The following MPPE1 variants were observed in gnomAD, a reference collection of about 807,000 sequenced individuals.
MPPE1 encodes the protein metallophosphoesterase 1, also known as metallo phosphoesterase.
MPPE1 carries 28 observed loss-of-function variants against 43.8 expected under a neutral mutation model. That is an observed-to-expected ratio of 0.64 (90% CI 0.47 to 0.88). The LOEUF is 0.88. Among genes scored for constraint, MPPE1 ranks in the 40% least tolerant of loss-of-function variants. The probability of loss-of-function intolerance (pLI) is 0.00; values close to 1 mark genes in which losing one functional copy is unlikely to be tolerated. For synonymous variants in MPPE1, 159 were observed against 188.5 expected, an observed-to-expected ratio of 0.84 and a Z score of 1.28; for missense variants, 428 against 492.2, an observed-to-expected ratio of 0.87 and a Z score of 1.23.
chr18:11,899,348 A>G (rs189037648), intron 2 of MPPE1, among the ~76,000 whole-genome samples: 10 of 152,352 alleles, frequency 6.6e-5, no homozygotes, highest in Admixed American at 5.9e-4. Flanking sequence ...TACTGCAACC[A>G]GATTATATGT....
At chr18:11,907,125 C>T (rs1427877967) in intron 1 of MPPE1, among the ~76,000 whole-genome samples, 1 of 152,168 alleles carries the variant, frequency 6.6e-6, no homozygotes, top group Non-Finnish European at 1.5e-5. Context: ...TCAGGAAAAG[C>T]AGACCAGCAT....
rs2037642704 is a variant in MPPE1, at chr18:11,888,851, A to G, written c.495-108T>C. 4 of 596,982 alleles carry G rather than the reference A, an allele frequency of 6.7e-6. No homozygotes were observed. In the East Asian group the frequency reaches 1.3e-4, roughly 20 times the overall value. The allele number at this position is 596,982 out of a possible 1,614,324, so 37.0% of individuals were successfully genotyped here. A position where few individuals can be genotyped will look rare whatever the true frequency, so the allele number is the denominator to read the frequency against. ...TTCAACACTTGAGTTTCAGACTAGC[A>G]TTATTAGTTAAGGGCTCTACCTGGC... On this transcript the variant is annotated intron_variant, in intron 5 of 10. Coordinates refer to ENST00000588072, the MANE Select transcript of MPPE1 (RefSeq NM_023075.6).
chr18:11,887,167 G>A, intron 6 of MPPE1, 142 bp from the exon 7 acceptor site: 1 of 595,546 alleles, frequency 1.7e-6, no homozygotes. Flanking sequence ...GAATAATTTG[G>A]TGTATTTTTA....
rs34932177 is a variant in MPPE1 at position 11,893,555 on chromosome 18, C to T, written c.303G>A (p.Ala101=). Residue 101 remains alanine, a synonymous_variant, in exon 4 of 11, where the codon GCG becomes GCA. Coordinates refer to ENST00000588072, the MANE Select transcript of MPPE1 (RefSeq NM_023075.6). ...GCAGCAACCACAGAGCTGTCTGGAA[C>T]GCTCTCTCCATCTGCCATTCCCTTG... The part of the protein sequence containing the change: ...KLRREWQMER[A]FQTALWLLQP... 1 of 1,613,540 alleles carries T rather than the reference C, an allele frequency of 6.2e-7. No homozygotes were observed. The highest frequency in any genetic ancestry group is 1.3e-5 in the African/African-American group (1 of 74,828).
chr18:11,888,393 C>G (rs1018198336), intron 6 of MPPE1, among the ~76,000 whole-genome samples: 43 of 152,172 alleles, frequency 2.8e-4, no homozygotes, highest in African/African-American at 9.7e-4. Flanking sequence ...ACAGTGCAGA[C>G]AGAAAGACTA....
chr18:11,900,710 A>G (rs532307553), intron 2 of MPPE1, among the ~76,000 whole-genome samples: 7 of 151,964 alleles, frequency 4.6e-5, no homozygotes, highest in Non-Finnish European at 1.0e-4. Flanking sequence ...GATCGAGACC[A>G]TCCTGGCTAA....
At position 11,885,677 on chromosome 18, in the gene MPPE1, A is replaced by G; in HGVS notation, c.1007T>C (p.Met336Thr). The change falls in exon 10 of 11, where the codon ATG becomes ACG. Residue 336 changes from methionine to threonine, a missense_variant and splice_region_variant. Around this residue, in one of 3 missense-constraint regions of MPPE1, gnomAD observed 379 missense variants for 402.5 expected, o/e 0.94. Transcript: ENST00000588072. ...GACAAAAATAAACTTTCACGTTACC[A>G]TGATGAAACTGGGGTTGTTTCTGTT... ...WRNRNNPSFI[M>T]GSITPTDYTL... is the part of the protein sequence containing the mutation. 1.2e-6 allele frequency: 2 copies of G among 1,611,698 alleles called. No homozygotes were observed. The highest frequency in any genetic ancestry group is 1.1e-5 in the South Asian group (1 of 90,982).
In MPPE1 at chr18:11,893,278, T is replaced by C. The variant is rs1253042270; in HGVS notation, c.390+190A>G. On this transcript the variant is annotated intron_variant, in intron 4 of 10. Coordinates refer to ENST00000588072, the MANE Select transcript of MPPE1 (RefSeq NM_023075.6). ...TTAGCCAACCTAACTCAAGATTGAG[T>C]TGTTCTAATAATCTTAGATAGCCTA... 9.3e-6 allele frequency: 5 copies of C among 540,304 alleles called. No homozygotes were observed. In the Admixed American group the frequency reaches 1.4e-4, roughly 15 times the overall value. The allele number at this position is 540,304 out of a possible 1,614,324, so 33.5% of individuals were successfully genotyped here. A position where few individuals can be genotyped will look rare whatever the true frequency, so the allele number is the denominator to read the frequency against.
chr18:11,887,513 T>TA (rs2144188805), intron 6 of MPPE1, among the ~76,000 whole-genome samples: 1 of 152,276 alleles, frequency 6.6e-6, no homozygotes, highest in South Asian at 2.1e-4. Context: ...ATCAGTGACA[T>TA]ACAGACACAC....
At position 11,886,713 on chromosome 18, in the gene MPPE1, C is replaced by G; in HGVS notation, c.744G>C (p.Gln248His). Reference sequence around the variant, plus strand: ...TGAGCCCTTTCCTCCCCCAGCTCACCTGCAGGAGGACAGGGGCAGACGTGG... The same window carrying G: ...TGAGCCCTTTCCTCCCCCAGCTCACGTGCAGGAGGACAGGGGCAGACGTGG... ...LLPTSAPVLL[Q>H]HYPLYRRSDA... is the part of the protein sequence containing the mutation. Residue 248 changes from glutamine to histidine, a missense_variant and splice_region_variant, in exon 8 of 11, where the codon CAG becomes CAC. By Grantham distance (24) the Gln-to-His change is conservative (BLOSUM62 0). Around this residue, in one of 3 missense-constraint regions of MPPE1, gnomAD observed 379 missense variants for 402.5 expected, o/e 0.94. Transcript: ENST00000588072. This position sits in a 1 kb window ranked among gnomAD's most constrained non-coding sequence, Gnocchi z 4.1. 1.2e-6 allele frequency: 2 copies of G among 1,613,752 alleles called. No individual in the cohort carries two copies. The highest frequency in any genetic ancestry group is 1.7e-6 in the Non-Finnish European group (2 of 1,180,024).
chr18:11,904,715 C>T (rs1294193269), intron 2 of MPPE1, among the ~76,000 whole-genome samples: 1 of 152,102 alleles, frequency 6.6e-6, no homozygotes, highest in African/African-American at 2.4e-5. Context: ...GCAGGTGGAC[C>T]ATTTGAGGCC....
chr18:11,888,238 G>A (rs1245420264), intron 6 of MPPE1, among the ~76,000 whole-genome samples: 2 of 152,150 alleles, frequency 1.3e-5, no homozygotes, highest in African/African-American at 4.8e-5. Flanking sequence ...AGCTACAGAG[G>A]AACTGTGACA....
rs1054254078 is a variant in MPPE1, at chr18:11,887,095, G to A, written c.570-70C>T. The A allele has an allele frequency of 6.1e-6, 7 of 1,153,988 alleles. No individual in the cohort carries two copies. The African/African-American group carries it at 9.2e-5, about 15-fold the overall frequency. The allele number at this position is 1,153,988 out of a possible 1,614,324, so 71.5% of individuals were successfully genotyped here. On this transcript the variant is annotated intron_variant, in intron 6 of 10. Coordinates refer to ENST00000588072, the MANE Select transcript of MPPE1 (RefSeq NM_023075.6). ...GCTTTCTTTTCCCTACTGTTCCCAT[G>A]AAAAGAAAGCTAAGCATCCAGTGCA...
chr18:11,895,406 A>C (rs2038490481), intron 3 of MPPE1: 1 of 152,306 alleles, frequency 6.6e-6, no homozygotes, highest in African/African-American at 2.4e-5. Flanking sequence ...ACCCCATTTT[A>C]ATCAGTCAAT....
At chr18:11,891,408 A>C (rs553133383) in intron 4 of MPPE1, 1 of 152,326 alleles carries the variant, frequency 6.6e-6, no homozygotes, top group Admixed American at 6.5e-5. Context: ...AGGGAGGCAG[A>C]GGTTGTAGTA....
At chr18:11,885,035 A>G in intron 10 of MPPE1, 1 of 1,295,006 alleles carries the variant, frequency 7.7e-7, no homozygotes, top group Non-Finnish European at 1.0e-6. Flanking sequence ...TCAACTAAGC[A>G]TCTGTTCCCT....
intron 3 of MPPE1, among the ~76,000 whole-genome samples, chr18:11,896,095 C>CTTTTTTTTTTTTTTTTTTTTTTTTT (rs1178920790): frequency 5.0e-5 from 4 of 80,420 alleles, no homozygotes; most frequent in Non-Finnish European, 9.4e-5. Context: ...ATTCTTTATT[C>CTTTTTTTTTTTTTTTTTTTTTTTTT]TTTTTTTTTT....
intron 10 of MPPE1, chr18:11,885,413 G>T: frequency 2.0e-6 from 1 of 489,608 alleles, no homozygotes; most frequent in Non-Finnish European, 3.7e-6. Flanking sequence ...TAAGAGGAGA[G>T]GATACGGCCC....
intron 2 of MPPE1, among the ~76,000 whole-genome samples, chr18:11,901,130 G>T (rs2039150478): frequency 6.6e-6 from 1 of 152,086 alleles, no homozygotes; most frequent in Admixed American, 6.6e-5. Flanking sequence ...AAGATGAAAG[G>T]GTAGGCAATG....
Sources: allele counts gnomAD v4.1 joint callset (sites outside exome capture counted in the v4.1 genomes callset), GRCh38; gene constraint gnomAD v4.1.1; regional missense constraint gnomAD v4.1.1; non-coding constraint Gnocchi (gnomAD v3.1); transcripts MANE v1.5; gene names NCBI Gene and HGNC (gene_info 2026-07-23, HGNC 2026-07-21).